The following AGFG1 variants were observed in gnomAD, a reference collection of about 807,000 sequenced individuals.
The protein encoded by AGFG1 is ArfGAP with FG repeats 1.
AGFG1 carries 10 observed loss-of-function variants against 60.6 expected under a neutral mutation model. That is an observed-to-expected ratio of 0.16 (90% confidence interval 0.10 to 0.28). The LOEUF (loss-of-function observed/expected upper bound fraction) is 0.28. AGFG1 is among the 10% of genes least tolerant of loss of function. The probability of loss-of-function intolerance (pLI) is 1.00; values close to 1 mark genes in which losing one functional copy is unlikely to be tolerated. For synonymous variants in AGFG1, 247 were observed against 242.9 expected (o/e 1.02, Z -0.16); for missense variants, 537 against 676.5 (o/e 0.79, Z 2.29).
chr2:227,472,765 A>G lies in AGFG1; in HGVS notation c.167+177A>G, dbSNP rs1690135387. Reference sequence around the variant, plus strand: ...GTGGGAGGCTGCGGGCTGGATGCGCAGGGCCCGGGCAGCCGGGCTGGGGAT... The same window carrying G: ...GTGGGAGGCTGCGGGCTGGATGCGCGGGGCCCGGGCAGCCGGGCTGGGGAT... On this transcript the variant is annotated intron_variant, in intron 1 of 12. Coordinates refer to ENST00000310078, the MANE Select transcript of AGFG1 (RefSeq NM_004504.5). Among the ~76,000 whole-genome samples, 6 of 138,970 alleles carry G rather than the reference A, an allele frequency of 4.3e-5. No individual in the cohort carries two copies. The Admixed American group carries it at 4.5e-4, about 10-fold the overall frequency. 91.2% of individuals were successfully genotyped at this position (138,970 alleles called of 152,430 possible). A position where few individuals can be genotyped will look rare whatever the true frequency, so the allele number is the denominator to read the frequency against.
chr2:227,503,827 TA>T (rs1262429930), intron 2 of AGFG1, among the ~76,000 whole-genome samples: 1 of 152,230 alleles, frequency 6.6e-6, no homozygotes, highest in African/African-American at 2.4e-5. Context: ...TTTATTGACA[TA>T]AAGTTATTCA....
At chr2:227,507,758 G>T (rs548769505) in intron 2 of AGFG1, among the ~76,000 whole-genome samples, 3 of 151,364 alleles carry the variant, frequency 2.0e-5, no homozygotes, top group Non-Finnish European at 4.4e-5. Context: ...AGTAGATATG[G>T]TGCACCACCA....
rs1258325635 is a variant in AGFG1, at chr2:227,560,072, A to G, written c.*5577A>G. 2 of 152,080 alleles carry G rather than the reference A, an allele frequency of 1.3e-5. No individual in the cohort carries two copies. Among genetic ancestry groups the G allele is most frequent in the African/African-American group, 4.8e-5 (2 of 41,432 alleles). The allele number at this position is 152,080 out of a possible 1,614,324, so 9.4% of individuals were successfully genotyped here. ...AGAAATGTTATCGTTTATTTTATATATGGCTCTCTCTCTGTATGCCTCTTC... is the reference window on the plus strand; with the variant it reads ...AGAAATGTTATCGTTTATTTTATATGTGGCTCTCTCTCTGTATGCCTCTTC... On this transcript the variant is annotated 3_prime_UTR_variant, in exon 13 of 13. Coordinates refer to ENST00000310078, the MANE Select transcript of AGFG1 (RefSeq NM_004504.5).
intron 2 of AGFG1, among the ~76,000 whole-genome samples, chr2:227,493,818 A>G (rs1245087984): frequency 6.6e-6 from 1 of 152,186 alleles, no homozygotes; most frequent in Non-Finnish European, 1.5e-5. Context: ...ATAAATAATG[A>G]TAAGAATAAG....
At chr2:227,472,657 G>T in intron 1 of AGFG1, 69 bp downstream of exon 1, 2 of 1,492,406 alleles carry the variant, frequency 1.3e-6, no homozygotes, top group Non-Finnish European at 1.8e-6. Context: ...GGCGGGACCG[G>T]GACCCTTCCG....
chr2:227,534,201 A>G (rs891619435), intron 7 of AGFG1, among the ~76,000 whole-genome samples: 1 of 152,054 alleles, frequency 6.6e-6, no homozygotes, highest in African/African-American at 2.4e-5. Flanking sequence ...ATCCAGTTTT[A>G]TCTTAAGGCT....
intron 10 of AGFG1, among the ~76,000 whole-genome samples, chr2:227,550,261 T>C (rs1292782297): frequency 1.3e-5 from 2 of 152,222 alleles, no homozygotes; most frequent in East Asian, 1.9e-4. Context: ...TGGGATTACA[T>C]TGTATTTAAA....
intron 11 of AGFG1, among the ~76,000 whole-genome samples, chr2:227,552,950 C>T (rs1449425910): frequency 3.8e-5 from 5 of 132,770 alleles, no homozygotes; most frequent in East Asian, 4.4e-4. Flanking sequence ...TGTGGTGAGC[C>T]GAGATCGCCA....
chr2:227,521,188 C>A (rs144415290), intron 3 of AGFG1, among the ~76,000 whole-genome samples: 4 of 152,078 alleles, frequency 2.6e-5, no homozygotes, highest in African/African-American at 7.2e-5. Flanking sequence ...GCCTCAGCCT[C>A]CCAAGTAGCT....
rs1424142785 is a variant in AGFG1 at position 227,555,635 on chromosome 2, T to C, written c.*1140T>C. The C allele has an allele frequency of 6.6e-6, 1 of 152,624 alleles. No homozygotes were observed. The highest frequency in any genetic ancestry group is 1.5e-5 in the Non-Finnish European group (1 of 68,012). The allele number at this position is 152,624 out of a possible 1,614,324, so 9.5% of individuals were successfully genotyped here. A position where few individuals can be genotyped will look rare whatever the true frequency, so the allele number is the denominator to read the frequency against. On this transcript the variant is annotated 3_prime_UTR_variant, in exon 13 of 13. Coordinates refer to ENST00000310078, the MANE Select transcript of AGFG1 (RefSeq NM_004504.5). Reference sequence around the variant, plus strand: ...GGGGAAAGAAACTGGAACTCAGTGTTACCTTAAAGTTACGGAATACTTTGT... The same window carrying C: ...GGGGAAAGAAACTGGAACTCAGTGTCACCTTAAAGTTACGGAATACTTTGT...
intron 11 of AGFG1, among the ~76,000 whole-genome samples, chr2:227,553,028 A>C (rs532247222): frequency 4.7e-4 from 71 of 151,604 alleles, no homozygotes; most frequent in African/African-American, 1.6e-3. Flanking sequence ...AAAATCTGAA[A>C]TATGGACCCT....
intron 6 of AGFG1, among the ~76,000 whole-genome samples, chr2:227,531,573 C>T (rs1692160680): frequency 7.0e-6 from 1 of 142,998 alleles, no homozygotes; most frequent in Non-Finnish European, 1.5e-5. Flanking sequence ...GGAATACAGG[C>T]ACATGCCACC....
chr2:227,525,710 TG>T (rs1485869045), intron 5 of AGFG1, among the ~76,000 whole-genome samples: 18 of 152,226 alleles, frequency 1.2e-4, no homozygotes, highest in Non-Finnish European at 1.8e-4. Context: ...CAAGTTCCTA[TG>T]TTCTATTTCT....
chr2:227,535,348 T>C (rs2106223063), intron 8 of AGFG1, among the ~76,000 whole-genome samples: 1 of 152,324 alleles, frequency 6.6e-6, no homozygotes, highest in East Asian at 1.9e-4. Flanking sequence ...TCAAATAATA[T>C]ACTTTAAAAA....
intron 1 of AGFG1, among the ~76,000 whole-genome samples, chr2:227,488,097 C>T (rs1392105989): frequency 2.6e-5 from 4 of 152,182 alleles, no homozygotes; most frequent in African/African-American, 9.7e-5. Context: ...TGAGAGAGCT[C>T]ATTTGAATAA....
intron 5 of AGFG1, among the ~76,000 whole-genome samples, chr2:227,528,494 G>A (rs145225028): frequency 2.8e-4 from 43 of 152,200 alleles, no homozygotes; most frequent in African/African-American, 9.4e-4. Flanking sequence ...CACCTCTTGC[G>A]TTTGAGTGCT....
At chr2:227,543,191 T>A (rs1247356157) in intron 10 of AGFG1, among the ~76,000 whole-genome samples, 2 of 152,226 alleles carry the variant, frequency 1.3e-5, no homozygotes, top group Non-Finnish European at 2.9e-5. Context: ...TTTCTTATCT[T>A]CTGCTGCCTT....
chr2:227,553,591 T>G, intron 11 of AGFG1, 113 bp from the exon 12 acceptor site: 4 of 836,980 alleles, frequency 4.8e-6, no homozygotes, highest in Non-Finnish European at 7.6e-6. Flanking sequence ...AACTTTAACA[T>G]TTTATTTTTG....
chr2:227,497,727 C>T (rs1402126342), intron 2 of AGFG1, among the ~76,000 whole-genome samples: 567 of 13,544 alleles, frequency 0.042, 14 homozygotes, highest in Middle Eastern at 0.15. Context: ...GAGTTTCTTT[C>T]TTGTTTTGTT....
Sources: allele counts gnomAD v4.1 joint callset (sites outside exome capture counted in the v4.1 genomes callset), GRCh38; gene constraint gnomAD v4.1.1; transcripts MANE v1.5; gene names NCBI Gene and HGNC (gene_info 2026-07-23, HGNC 2026-07-21).